Variants in BRINP3 observed in about 807,000 individuals in gnomAD.
BRINP3 encodes the protein BMP/retinoic acid-inducible neural-specific protein 3.
BRINP3 carries 19 observed loss-of-function variants against 71.0 expected under a neutral mutation model. The ratio of observed to expected loss-of-function variants is 0.27; its 90% CI spans 0.19 to 0.39. BRINP3 has a LOEUF of 0.39. Among genes scored for constraint, BRINP3 ranks in the 10% least tolerant of loss-of-function variants. BRINP3 has a pLI of 1.00. For synonymous variants in BRINP3, 380 were observed against 337.7 expected (o/e 1.13, Z -1.37); for missense variants, 959 against 940.8 (o/e 1.02, Z -0.25).
At chr1:190,455,831 A>G (rs1352262900) in intron 1 of BRINP3, among the ~76,000 whole-genome samples, 1 of 152,162 alleles carries the variant, frequency 6.6e-6, no homozygotes, top group Non-Finnish European at 1.5e-5. Flanking sequence ...AAAAAGTAAT[A>G]AGACGTATAA....
chr1:190,444,600 A>G lies in BRINP3; in HGVS notation c.236+10055T>C, dbSNP rs145949388. 7.1e-3 allele frequency among the ~76,000 whole-genome samples: 1,084 copies of G among 151,928 alleles called. 15 individuals carry two copies. The highest frequency in any genetic ancestry group is 0.024 in the African/African-American group (988 of 41,460). ...GCCAGCCTGGAGTTCAGTGGCTCGA[A>G]CTCAGCTCGCTGAAACCTCTGTCTC... On this transcript the variant is annotated intron_variant, in intron 2 of 7. Coordinates refer to ENST00000367462, the MANE Select transcript of BRINP3 (RefSeq NM_199051.3).
intron 2 of BRINP3, among the ~76,000 whole-genome samples, chr1:190,290,741 T>C (rs973936038): frequency 2.0e-5 from 3 of 152,090 alleles, no homozygotes; most frequent in Admixed American, 1.3e-4. Context: ...TGAGAGAAGA[T>C]TGTTAGAAAT....
intron 4 of BRINP3, among the ~76,000 whole-genome samples, chr1:190,258,140 C>A (rs2102847482): frequency 6.6e-6 from 1 of 152,328 alleles, no homozygotes; most frequent in South Asian, 2.1e-4. Flanking sequence ...GGGGCTCTGC[C>A]CAGTTCAAGC....
intron 2 of BRINP3, among the ~76,000 whole-genome samples, chr1:190,434,044 A>G (rs1037568944): frequency 3.3e-5 from 5 of 152,150 alleles, no homozygotes; most frequent in Non-Finnish European, 5.9e-5. Context: ...TGACAGAGTA[A>G]AATAACCATG....
chr1:190,395,527 A>G (rs971599895), intron 2 of BRINP3, among the ~76,000 whole-genome samples: 2 of 151,790 alleles, frequency 1.3e-5, no homozygotes, highest in African/African-American at 4.8e-5. Context: ...TAAATAACAA[A>G]TATCTGTCAA....
chr1:190,450,814 C>A (rs967033078), intron 2 of BRINP3, among the ~76,000 whole-genome samples: 1 of 151,760 alleles, frequency 6.6e-6, no homozygotes, highest in Admixed American at 6.6e-5. Flanking sequence ...CATATGGATA[C>A]CCATATAAAG....
At chr1:190,274,038 C>G (rs1322346013) in intron 3 of BRINP3, among the ~76,000 whole-genome samples, 1 of 151,438 alleles carries the variant, frequency 6.6e-6, no homozygotes, top group Non-Finnish European at 1.5e-5. Context: ...TGCAAGTGAG[C>G]CAGATGTTGA....
At chr1:190,461,514 C>T (rs2102662603) in intron 1 of BRINP3, among the ~76,000 whole-genome samples, 1 of 152,242 alleles carries the variant, frequency 6.6e-6, no homozygotes, top group Admixed American at 6.5e-5. Flanking sequence ...CTGCACATCT[C>T]CTTTCCTTCA....
chr1:190,160,962 A>G, intron 6 of BRINP3, 72 bp from the exon 7 acceptor site: 1 of 1,058,282 alleles, frequency 9.4e-7, no homozygotes, highest in Non-Finnish European at 1.4e-6. Flanking sequence ...CACGTATGTC[A>G]ATATTAAGAA....
chr1:190,215,449 A>T (rs1451491787), intron 6 of BRINP3, among the ~76,000 whole-genome samples: 12 of 151,970 alleles, frequency 7.9e-5, no homozygotes, highest in Admixed American at 7.2e-4. Context: ...TTTTATTTGG[A>T]TATACTTATT....
intron 7 of BRINP3, among the ~76,000 whole-genome samples, chr1:190,126,266 A>C (rs1460434180): frequency 1.3e-5 from 2 of 152,138 alleles, no homozygotes; most frequent in Non-Finnish European, 2.9e-5. Context: ...AGTTTATTTC[A>C]TAGAACATTG....
At chr1:190,274,085 C>T (rs1458328844) in intron 3 of BRINP3, among the ~76,000 whole-genome samples, 2 of 151,494 alleles carry the variant, frequency 1.3e-5, no homozygotes, top group Non-Finnish European at 3.0e-5. Flanking sequence ...CAAAATTACA[C>T]CTGTTCTCTT....
chr1:190,347,695 ATAAATTTTTATTCT>A (rs1428940071), intron 2 of BRINP3, among the ~76,000 whole-genome samples: 2 of 152,120 alleles, frequency 1.3e-5, no homozygotes, highest in African/African-American at 4.8e-5. Flanking sequence ...CACTAATGCT[ATAAATTTTTATTCT>A]TATTTTTTTC....
At chr1:190,222,128 C>T (rs1028660296) in intron 6 of BRINP3, among the ~76,000 whole-genome samples, 3 of 151,860 alleles carry the variant, frequency 2.0e-5, no homozygotes, top group African/African-American at 7.2e-5. Context: ...TTCTTTCCTT[C>T]AGTGCATGGA....
At chr1:190,327,805 A>T (rs1398781521) in intron 2 of BRINP3, among the ~76,000 whole-genome samples, 1 of 152,132 alleles carries the variant, frequency 6.6e-6, no homozygotes, top group Non-Finnish European at 1.5e-5. Context: ...AACTGGATCT[A>T]ATAGACATGT....
At chr1:190,196,514 C>T (rs1654492405) in intron 6 of BRINP3, among the ~76,000 whole-genome samples, 1 of 152,004 alleles carries the variant, frequency 6.6e-6, no homozygotes, top group South Asian at 2.1e-4. Flanking sequence ...GTTTCCTCAG[C>T]CAGAAATCCA....
chr1:190,403,998 A>T (rs754709911), intron 2 of BRINP3, among the ~76,000 whole-genome samples: 1 of 152,204 alleles, frequency 6.6e-6, no homozygotes, highest in Non-Finnish European at 1.5e-5. Flanking sequence ...ATGCCAGATA[A>T]TGTACCCACC....
At chr1:190,306,181 T>C (rs573302931) in intron 2 of BRINP3, among the ~76,000 whole-genome samples, 1 of 151,642 alleles carries the variant, frequency 6.6e-6, no homozygotes, top group East Asian at 1.9e-4. Flanking sequence ...CTTAATGAGA[T>C]AAAGATATCT....
chr1:190,407,777 A>G (rs2102392521), intron 2 of BRINP3, among the ~76,000 whole-genome samples: 1 of 152,294 alleles, frequency 6.6e-6, no homozygotes. Context: ...ACCTGTAACA[A>G]ATTTATCTTG....
Sources: allele counts gnomAD v4.1 joint callset (sites outside exome capture counted in the v4.1 genomes callset), GRCh38; gene constraint gnomAD v4.1.1; transcripts MANE v1.5; gene names NCBI Gene and HGNC (gene_info 2026-07-23, HGNC 2026-07-21).